The following TANC2 variants were observed in gnomAD, a reference collection of about 807,000 sequenced individuals.
The protein encoded by TANC2 is tetratricopeptide repeat, ankyrin repeat and coiled-coil containing 2.
In TANC2, 26 loss-of-function variants were observed where a neutral mutation model predicts 210.5. The observed-to-expected ratio is 0.12, with a 90% confidence interval of 0.09 to 0.17. The LOEUF (loss-of-function observed/expected upper bound fraction) is 0.17, where lower values mean the gene tolerates loss of function less well. Among genes scored for constraint, TANC2 ranks in the 10% least tolerant of loss-of-function variants. The probability of loss-of-function intolerance (pLI) is 1.00; values close to 1 mark genes in which losing one functional copy is unlikely to be tolerated. For missense variants in TANC2, 2,129 were observed against 2,608.9 expected, an observed-to-expected ratio of 0.82 and a Z score of 4.01; for synonymous variants, 931 against 967.1, an observed-to-expected ratio of 0.96 and a Z score of 0.69.
chr17:63,123,169 A>G (rs989853508), intron 4 of TANC2, among the ~76,000 whole-genome samples: 8 of 152,224 alleles, frequency 5.3e-5, no homozygotes, highest in Non-Finnish European at 1.0e-4. Context: ...TTTTAAGAAG[A>G]AAAATGATGG....
At chr17:63,307,099 A>AG (rs1275637199) in intron 9 of TANC2, among the ~76,000 whole-genome samples, 2 of 152,188 alleles carry the variant, frequency 1.3e-5, no homozygotes, top group Non-Finnish European at 2.9e-5. Context: ...AGATGCCTGC[A>AG]GGGGTAGGTA....
At chr17:63,054,606 C>T (rs2035702801) in intron 2 of TANC2, among the ~76,000 whole-genome samples, 1 of 150,582 alleles carries the variant, frequency 6.6e-6, no homozygotes, top group Admixed American at 6.6e-5. Context: ...TGGTCTCAAT[C>T]TCCTGACCTT....
At chr17:63,422,057 T>G in exon 28 of TANC2, 10 of 1,429,988 alleles carry the variant, frequency 7.0e-6, no homozygotes, top group Non-Finnish European at 9.4e-6. Context: ...TCATGTAGTT[T>G]CTGTGTGGTG....
chr17:63,377,661 A>G (rs927831877), intron 14 of TANC2, among the ~76,000 whole-genome samples: 1 of 152,028 alleles, frequency 6.6e-6, no homozygotes, highest in African/African-American at 2.4e-5. Context: ...GAGCCCTCCA[A>G]ACTGTTCCAA....
intron 5 of TANC2, among the ~76,000 whole-genome samples, chr17:63,156,258 A>G (rs1264823642): frequency 6.6e-6 from 1 of 152,136 alleles, no homozygotes; most frequent in Admixed American, 6.5e-5. Flanking sequence ...CCTGAGTAAA[A>G]TTGATGAGCT....
chr17:63,375,564 A>T (rs2047398817), intron 14 of TANC2, among the ~76,000 whole-genome samples: 1 of 152,234 alleles, frequency 6.6e-6, no homozygotes, highest in Admixed American at 6.5e-5. Context: ...TCAGAGACTT[A>T]TATTCAGAAG....
At chr17:63,345,619 C>CAAAAAA (rs752643075) in intron 12 of TANC2, among the ~76,000 whole-genome samples, 3 of 86,612 alleles carry the variant, frequency 3.5e-5, no homozygotes, top group Admixed American at 1.3e-4. Context: ...AATTCTGTCT[C>CAAAAAA]AAAAAAAAAA....
At chr17:63,064,885 G>A (rs569969117) in intron 2 of TANC2, among the ~76,000 whole-genome samples, 5 of 146,416 alleles carry the variant, frequency 3.4e-5, no homozygotes, top group African/African-American at 1.0e-4. Context: ...TTTGCTTTTT[G>A]TGGAGAATAT....
At chr17:63,320,611 A>T (rs1330566025) in intron 11 of TANC2, 1 of 152,104 alleles carries the variant, frequency 6.6e-6, no homozygotes, top group African/African-American at 2.4e-5. Context: ...GGTAAAAATT[A>T]TTTTTTCTCA....
chr17:63,346,550 A>G (rs2046416965), intron 12 of TANC2, among the ~76,000 whole-genome samples: 1 of 151,858 alleles, frequency 6.6e-6, no homozygotes, highest in Admixed American at 6.5e-5. Context: ...TGAGAATACC[A>G]CTTCACACCC....
chr17:63,188,854 C>T (rs184401139), intron 5 of TANC2, among the ~76,000 whole-genome samples: 252 of 152,046 alleles, frequency 1.7e-3, no homozygotes, highest in African/African-American at 5.9e-3. Flanking sequence ...TATTTACAGA[C>T]TTGTGTAACT....
chr17:63,054,404 G>C (rs535902716), intron 2 of TANC2, among the ~76,000 whole-genome samples: 4 of 152,102 alleles, frequency 2.6e-5, no homozygotes, highest in African/African-American at 9.6e-5. Flanking sequence ...ATGGAGTCTC[G>C]CTCTGTTGCC....
At chr17:63,350,981 T>C (rs987101763) in intron 12 of TANC2, among the ~76,000 whole-genome samples, 4 of 152,048 alleles carry the variant, frequency 2.6e-5, no homozygotes, top group Admixed American at 2.6e-4. Context: ...ACTCAGGCTG[T>C]CTCACAACTA....
chr17:62,995,186 A>T (rs1033723082), intron 1 of TANC2, among the ~76,000 whole-genome samples: 1 of 152,156 alleles, frequency 6.6e-6, no homozygotes, highest in Non-Finnish European at 1.5e-5. Flanking sequence ...AAGACCTTTT[A>T]TAAATCCTGT....
chr17:63,251,187 T>C (rs2043044833), intron 8 of TANC2, among the ~76,000 whole-genome samples: 1 of 152,146 alleles, frequency 6.6e-6, no homozygotes. Flanking sequence ...CCTACCTGAA[T>C]AACACAAATT....
chr17:62,967,843 A>C (rs1468398051), intron 1 of TANC2, among the ~76,000 whole-genome samples: 1 of 151,932 alleles, frequency 6.6e-6, no homozygotes, highest in Non-Finnish European at 1.5e-5. Context: ...AAAAAAAAAA[A>C]AGAATACAGT....
intron 2 of TANC2, among the ~76,000 whole-genome samples, chr17:63,014,915 G>A (rs1344390357): frequency 6.6e-6 from 1 of 152,062 alleles, no homozygotes; most frequent in African/African-American, 2.4e-5. Flanking sequence ...AATTCTATTT[G>A]TAGAGAATCA....
intron 2 of TANC2, among the ~76,000 whole-genome samples, chr17:63,046,401 C>T (rs191956878): frequency 7.4e-6 from 1 of 134,934 alleles, no homozygotes; most frequent in South Asian, 2.4e-4. Context: ...GGCGCCATCT[C>T]GGTCACTGCA....
intron 2 of TANC2, among the ~76,000 whole-genome samples, chr17:63,039,766 C>A (rs1370669487): frequency 4.6e-5 from 7 of 151,932 alleles, no homozygotes; most frequent in Non-Finnish European, 8.8e-5. Context: ...TGATTCTGGC[C>A]AGTAAGGATG....
Sources: gnomAD v4.1 joint callset for allele counts (sites outside exome capture counted in the v4.1 genomes callset) on GRCh38, gnomAD v4.1.1 for gene constraint, MANE v1.5 for transcripts, NCBI Gene and HGNC (gene_info 2026-07-23, HGNC 2026-07-21) for gene names.